The following CACNA2D1 variants were observed in gnomAD, a reference collection of about 807,000 sequenced individuals.
The protein encoded by CACNA2D1 is voltage-dependent calcium channel subunit alpha-2/delta-1.
CACNA2D1 carries 53 observed loss-of-function variants against 171.5 expected under a neutral mutation model. The ratio of observed to expected loss-of-function variants is 0.31; its 90% CI spans 0.25 to 0.39. The LOEUF (loss-of-function observed/expected upper bound fraction) is 0.39, where lower values mean the gene tolerates loss of function less well. Among genes scored for constraint, CACNA2D1 ranks in the 10% least tolerant of loss-of-function variants. CACNA2D1 has a pLI of 1.00. For missense variants in CACNA2D1, 903 were observed against 1,299.8 expected, an observed-to-expected ratio of 0.69 and a Z score of 4.69; for synonymous variants, 442 against 443.1, an observed-to-expected ratio of 1.00 and a Z score of 0.03.
chr7:81,993,563 T>C (rs1797762520), intron 20 of CACNA2D1, among the ~76,000 whole-genome samples: 1 of 152,150 alleles, frequency 6.6e-6, no homozygotes, highest in Admixed American at 6.5e-5. Flanking sequence ...TTGAAAGATA[T>C]CACCTTAAAA....
At chr7:82,038,976 T>C (rs778247644) in intron 10 of CACNA2D1, among the ~76,000 whole-genome samples, 10 of 152,114 alleles carry the variant, frequency 6.6e-5, no homozygotes, top group Non-Finnish European at 1.5e-4. Context: ...CCCTGGATAT[T>C]TCCAAAAAGA....
chr7:81,982,473 G>A (rs1223538243), intron 24 of CACNA2D1, 94 bp downstream of exon 24: 1 of 769,022 alleles, frequency 1.3e-6, no homozygotes, highest in Non-Finnish European at 2.4e-6. Flanking sequence ...AATGTGATAT[G>A]GAACTAACCC....
At chr7:82,394,416 A>G (rs1825556311) in intron 1 of CACNA2D1, among the ~76,000 whole-genome samples, 1 of 152,084 alleles carries the variant, frequency 6.6e-6, no homozygotes, top group African/African-American at 2.4e-5. Context: ...AAAAATAAAA[A>G]CCAAATTTTC....
At chr7:82,061,166 C>T (rs558058556) in intron 9 of CACNA2D1, among the ~76,000 whole-genome samples, 10 of 152,278 alleles carry the variant, frequency 6.6e-5, no homozygotes, top group East Asian at 5.8e-4. Flanking sequence ...TGAACCACTA[C>T]GACTGAATGT....
intron 21 of CACNA2D1, among the ~76,000 whole-genome samples, chr7:81,989,190 AG>A (rs1797278420): frequency 6.6e-6 from 1 of 152,184 alleles, no homozygotes; most frequent in African/African-American, 2.4e-5. Flanking sequence ...TGGCTTAACC[AG>A]GGACTTTTCA....
intron 1 of CACNA2D1, among the ~76,000 whole-genome samples, chr7:82,358,978 T>A (rs1820775908): frequency 6.6e-6 from 1 of 152,262 alleles, no homozygotes; most frequent in Admixed American, 6.5e-5. Flanking sequence ...AGTAACATAG[T>A]TCCATGGATT....
Position 82,170,546 on chromosome 7 carries a change from T to G in CACNA2D1, c.354+4A>C. 4 of 1,611,160 alleles carry G rather than the reference T, an allele frequency of 2.5e-6. No homozygotes were observed. The highest frequency in any genetic ancestry group is 3.4e-6 in the Non-Finnish European group (4 of 1,177,672). On this transcript the variant is annotated splice_donor_region_variant and intron_variant, in intron 4 of 38. Coordinates refer to ENST00000356860, the MANE Select transcript of CACNA2D1 (RefSeq NM_000722.4). ...TAAATCAAGTAGTTAAAAGGGGTTC[T>G]TACTGCAAAATCTTCTCTCCACTGG...
At chr7:82,433,113 G>A (rs1047697091) in intron 1 of CACNA2D1, among the ~76,000 whole-genome samples, 8 of 151,992 alleles carry the variant, frequency 5.3e-5, no homozygotes, top group Admixed American at 3.3e-4. Context: ...ACTTGAAGCC[G>A]GAAGGCAGAG....
At chr7:82,438,545 G>A (rs1830269681) in intron 1 of CACNA2D1, among the ~76,000 whole-genome samples, 3 of 152,038 alleles carry the variant, frequency 2.0e-5, no homozygotes, top group African/African-American at 4.8e-5. Context: ...ACAACACTAC[G>A]CAATCGTTTA....
At chr7:82,386,809 A>T (rs1215221338) in intron 1 of CACNA2D1, among the ~76,000 whole-genome samples, 2 of 151,692 alleles carry the variant, frequency 1.3e-5, no homozygotes, top group East Asian at 3.9e-4. Context: ...AAAAACACAC[A>T]GTGCAAATAT....
At chr7:82,235,207 T>C (rs1044269044) in intron 3 of CACNA2D1, among the ~76,000 whole-genome samples, 13 of 152,158 alleles carry the variant, frequency 8.5e-5, no homozygotes, top group Admixed American at 2.0e-4. Context: ...CAATAAACGT[T>C]TTGTTCAAAT....
chr7:82,164,249 C>T (rs1201524080), intron 4 of CACNA2D1, among the ~76,000 whole-genome samples: 1 of 151,972 alleles, frequency 6.6e-6, no homozygotes, highest in African/African-American at 2.4e-5. Flanking sequence ...ATAGGCCACT[C>T]TGGCATATAT....
intron 6 of CACNA2D1, among the ~76,000 whole-genome samples, chr7:82,092,540 C>CTTTTTTTTTTTT (rs71093360): frequency 3.5e-4 from 36 of 102,680 alleles, no homozygotes; most frequent in East Asian, 8.9e-4. Flanking sequence ...GCCCAGCTAA[C>CTTTTTTTTTTTT]TTTTTTTTTT....
intron 38 of CACNA2D1, among the ~76,000 whole-genome samples, chr7:81,953,126 A>G (rs948785584): frequency 1.3e-5 from 2 of 151,924 alleles, no homozygotes; most frequent in African/African-American, 2.4e-5. Context: ...TTCAAAATAC[A>G]TCCCCAAACT....
chr7:82,220,515 A>C (rs1801627948), intron 3 of CACNA2D1, among the ~76,000 whole-genome samples: 1 of 152,190 alleles, frequency 6.6e-6, no homozygotes, highest in Non-Finnish European at 1.5e-5. Context: ...TGTGACTTAT[A>C]GCTAGTATTA....
chr7:82,082,139 C>T (rs1358918890), intron 7 of CACNA2D1, among the ~76,000 whole-genome samples: 1 of 152,100 alleles, frequency 6.6e-6, no homozygotes, highest in Non-Finnish European at 1.5e-5. Flanking sequence ...TCCACTCTGG[C>T]CCACGGCTCT....
intron 1 of CACNA2D1, among the ~76,000 whole-genome samples, chr7:82,370,847 C>T (rs969713): frequency 0.61 from 92,542 of 151,854 alleles, 29,008 homozygotes; most frequent in Middle Eastern, 0.72. Flanking sequence ...GCATGAAATA[C>T]GCAGTAGTTC....
At chr7:82,372,656 A>G (rs1822540251) in intron 1 of CACNA2D1, among the ~76,000 whole-genome samples, 1 of 152,048 alleles carries the variant, frequency 6.6e-6, no homozygotes, top group South Asian at 2.1e-4. Flanking sequence ...AAAAGAGAAT[A>G]ATTTTATTCA....
intron 4 of CACNA2D1, among the ~76,000 whole-genome samples, chr7:82,156,697 C>CA (rs34337312): frequency 2.0e-5 from 3 of 151,350 alleles, no homozygotes; most frequent in Non-Finnish European, 2.9e-5. Flanking sequence ...AGATATTAAA[C>CA]GTTTTTTTAA....
Sources: gnomAD v4.1 joint callset for allele counts (sites outside exome capture counted in the v4.1 genomes callset) on GRCh38, gnomAD v4.1.1 for gene constraint, MANE v1.5 for transcripts, NCBI Gene and HGNC (gene_info 2026-07-23, HGNC 2026-07-21) for gene names.